Variants in ELAVL3 observed in about 807,000 individuals in gnomAD.
ELAVL3 encodes ELAV like RNA binding protein 3.
ELAVL3 carries 8 observed loss-of-function variants against 34.2 expected under a neutral mutation model. The observed-to-expected ratio is 0.23, with a 90% confidence interval of 0.14 to 0.42. The LOEUF is 0.42. ELAVL3 is among the 10% of genes least tolerant of loss of function. ELAVL3 has a pLI of 1.00. For missense variants in ELAVL3, 273 were observed against 518.8 expected, an observed-to-expected ratio of 0.53 and a Z score of 4.60; for synonymous variants, 209 against 222.1, an observed-to-expected ratio of 0.94 and a Z score of 0.53.
At position 11,480,461 on chromosome 19, in the gene ELAVL3, G is replaced by A; in HGVS notation, c.9+139C>T. ...GCGGCCCTGCCCACTCTCAGGCCCC[G>A]AGGCTTGGTCCTACCCCCCCAACCC... is the stretch of plus-strand genomic sequence containing the variant. On this transcript the variant is annotated intron_variant, in intron 1 of 6. Coordinates refer to ENST00000359227, the MANE Select transcript of ELAVL3 (RefSeq NM_001420.4). The surrounding 1 kb of genome is among the most constrained non-coding windows in gnomAD (Gnocchi z 6.8). 1 of 1,101,672 alleles carries A rather than the reference G, an allele frequency of 9.1e-7. No individual in the cohort carries two copies. Among genetic ancestry groups the A allele is most frequent in the Non-Finnish European group, 1.2e-6 (1 of 828,862 alleles). 68.2% of individuals were successfully genotyped at this position (1,101,672 alleles called of 1,614,324 possible).
Position 11,454,901 on chromosome 19 carries a change from C to T in ELAVL3, c.753-24G>A. 1 of 1,569,644 alleles carries T rather than the reference C, an allele frequency of 6.4e-7. No homozygotes were observed. The highest frequency in any genetic ancestry group is 8.6e-7 in the Non-Finnish European group (1 of 1,162,586). ...GACTACTTTGGGGGTCACGCGGGCT[C>T]TGCCCTGACCCCCCGCATGCTTCTG... On this transcript the variant is annotated intron_variant, in intron 6 of 6. Transcript: ENST00000359227. The surrounding 1 kb of genome is among the most constrained non-coding windows in gnomAD (Gnocchi z 9.2).
In ELAVL3 at chr19:11,480,879, CG is replaced by C. The variant is rs1346481933; in HGVS notation, c.-272del. 1 of 352,288 alleles carries C rather than the reference CG, an allele frequency of 2.8e-6. No individual in the cohort carries two copies. The highest frequency in any genetic ancestry group is 4.2e-5 in the East Asian group (1 of 23,820). 21.8% of individuals were successfully genotyped at this position (352,288 alleles called of 1,614,324 possible). On this transcript the variant is annotated 5_prime_UTR_variant, in exon 1 of 7. Coordinates refer to ENST00000359227, the MANE Select transcript of ELAVL3 (RefSeq NM_001420.4). This position sits in a 1 kb window ranked among gnomAD's most constrained non-coding sequence, Gnocchi z 6.8. ...GGCGCGGGGTTGAGGACGCCCCCTG[CG>C]CGGCCCCGCGGGGCCCGGGGAGGTT...
Position 11,466,036 on chromosome 19 carries a change from A to C in ELAVL3, c.333+136T>G. On this transcript the variant is annotated intron_variant, in intron 3 of 6. Coordinates refer to ENST00000359227, the MANE Select transcript of ELAVL3 (RefSeq NM_001420.4). This position sits in a 1 kb window ranked among gnomAD's most constrained non-coding sequence, Gnocchi z 5.0. ...CCCCAGCTAGGAAGTCTTGGAGGGG[A>C]GATTTGAGCCCCTCTGGGGATGAGT... 1.3e-6 allele frequency: 1 copy of C among 764,998 alleles called. No individual in the cohort carries two copies. Among genetic ancestry groups the C allele is most frequent in the Middle Eastern group, 3.7e-4 (1 of 2,674 alleles). The allele number at this position is 764,998 out of a possible 1,614,324, so 47.4% of individuals were successfully genotyped here.
Position 11,480,657 on chromosome 19 carries a change from TG to T in ELAVL3, c.-50del. ...TCCGTGTTGAGGGGGGCTCCGGGGG[TG>T]GTGCACTCCTAGGGGGGCGCCCGAT... On this transcript the variant is annotated 5_prime_UTR_variant, in exon 1 of 7. Transcript: ENST00000359227. This position sits in a 1 kb window ranked among gnomAD's most constrained non-coding sequence, Gnocchi z 6.8. The T allele has an allele frequency of 7.1e-7, 1 of 1,403,826 alleles. No homozygotes were observed. Among genetic ancestry groups the T allele is most frequent in the South Asian group, 1.7e-5 (1 of 58,408 alleles). The allele number at this position is 1,403,826 out of a possible 1,614,324, so 87.0% of individuals were successfully genotyped here.
At position 11,466,711 on chromosome 19, in the gene ELAVL3, G is replaced by T; in HGVS notation, c.126C>A (p.Ile42=). The change falls in exon 2 of 7, where the codon ATC becomes ATA. Residue 42 remains isoleucine, a synonymous_variant. Transcript: ENST00000359227. This position sits in a 1 kb window ranked among gnomAD's most constrained non-coding sequence, Gnocchi z 5.0. ...GATDDSKTNL[I]VNYLPQNMTQ... is the part of the protein sequence containing the mutation. ...TCATGTTCTGGGGCAGGTAGTTGAC[G>T]ATGAGGTTGGTCTTGCTGTCGTCAG... 4 of 1,614,198 alleles carry T rather than the reference G, an allele frequency of 2.5e-6. No homozygotes were observed. The highest frequency in any genetic ancestry group is 3.4e-6 in the Non-Finnish European group (4 of 1,180,024).
rs1451442741 is a variant in ELAVL3, at chr19:11,466,080, T to C, written c.333+92A>G. 1.2e-5 allele frequency: 13 copies of C among 1,111,676 alleles called. No individual in the cohort carries two copies. Among genetic ancestry groups the C allele is most frequent in the Non-Finnish European group, 1.7e-5 (13 of 751,166 alleles). The allele number at this position is 1,111,676 out of a possible 1,614,324, so 68.9% of individuals were successfully genotyped here. A position where few individuals can be genotyped will look rare whatever the true frequency, so the allele number is the denominator to read the frequency against. ...GATGAGTCCTGAAAGGCAGTGGACA[T>C]GGATGCATGGGGGCGGGTAGGTGGC... On this transcript the variant is annotated intron_variant, in intron 3 of 6. Coordinates refer to ENST00000359227, the MANE Select transcript of ELAVL3 (RefSeq NM_001420.4). This position sits in a 1 kb window ranked among gnomAD's most constrained non-coding sequence, Gnocchi z 5.0.
In ELAVL3 at chr19:11,454,339, C is replaced by A. The variant is rs1347115613; in HGVS notation, c.*187G>T. 2 of 613,314 alleles carry A rather than the reference C, an allele frequency of 3.3e-6. No homozygotes were observed. The highest frequency in any genetic ancestry group is 4.5e-4 in the Middle Eastern group (1 of 2,226). 38.0% of individuals were successfully genotyped at this position (613,314 alleles called of 1,614,324 possible). On this transcript the variant is annotated 3_prime_UTR_variant, in exon 7 of 7. Coordinates refer to ENST00000359227, the MANE Select transcript of ELAVL3 (RefSeq NM_001420.4). The surrounding 1 kb of genome is among the most constrained non-coding windows in gnomAD (Gnocchi z 9.2). ...GGCGGGGGATCCCCGGGCACCCCCC[C>A]AATTCCCTGCAGACCCTCCCACCCC...
In ELAVL3 at chr19:11,454,420, G is replaced by A; in HGVS notation, c.*106C>T. 8.7e-7 allele frequency: 1 copy of A among 1,154,736 alleles called. No homozygotes were observed. The highest frequency in any genetic ancestry group is 1.2e-6 in the Non-Finnish European group (1 of 839,520). The allele number at this position is 1,154,736 out of a possible 1,614,324, so 71.5% of individuals were successfully genotyped here. On this transcript the variant is annotated 3_prime_UTR_variant, in exon 7 of 7. Transcript: ENST00000359227. The surrounding 1 kb of genome is among the most constrained non-coding windows in gnomAD (Gnocchi z 9.2). ...CGTGGGGCCCTCGCGTCGTCCGTGG[G>A]GCTGCCTGTGCTGTCTCTCTTGGGC...
intron 1 of ELAVL3, among the ~76,000 whole-genome samples, chr19:11,467,363 GGT>G (rs941387528): frequency 3.3e-5 from 5 of 151,850 alleles, no homozygotes; most frequent in African/African-American, 1.2e-4. Context: ...CGGAGGTTGT[GGT>G]GAGCCGAGAT....
intron 3 of ELAVL3, among the ~76,000 whole-genome samples, chr19:11,459,284 A>G (rs938170730): frequency 1.3e-5 from 2 of 151,586 alleles, no homozygotes; most frequent in Admixed American, 1.3e-4. Context: ...CACCACGCCT[A>G]GCTAATTTTT....
intron 1 of ELAVL3, among the ~76,000 whole-genome samples, chr19:11,468,465 G>A (rs1003997336): frequency 7.4e-5 from 11 of 149,652 alleles, no homozygotes; most frequent in African/African-American, 2.5e-4. Context: ...CCCAGGCTGG[G>A]GTGCAATGGC....
rs1463541631 is a variant in ELAVL3 at position 11,456,340 on chromosome 19, G to A, written c.752+770C>T. Among the ~76,000 whole-genome samples, 9 of 151,726 alleles carry A rather than the reference G, an allele frequency of 5.9e-5. No homozygotes were observed. The South Asian group carries it at 6.2e-4, about 11-fold the overall frequency. ...AGGCTGGTCTTGGACTCCTGACCTC[G>A]TGATCCGCCTGCCTCGGCTTCCCAA... On this transcript the variant is annotated intron_variant, in intron 6 of 6. Transcript: ENST00000359227.
At chr19:11,462,456 G>C (rs1000789928) in intron 3 of ELAVL3, among the ~76,000 whole-genome samples, 4 of 151,212 alleles carry the variant, frequency 2.6e-5, no homozygotes, top group African/African-American at 9.7e-5. Context: ...GGCCAACATG[G>C]TGAAACCCCG....
chr19:11,457,222 TCCCCAC>T (rs1970787202), intron 5 of ELAVL3, 74 bp from the exon 6 acceptor site: 2 of 1,349,664 alleles, frequency 1.5e-6, no homozygotes, highest in Admixed American at 2.9e-5. Flanking sequence ...CGGCCTGCCC[TCCCCAC>T]CCCCACCCAA....
chr19:11,456,356 G>A (rs528374004), intron 6 of ELAVL3, among the ~76,000 whole-genome samples: 2 of 151,904 alleles, frequency 1.3e-5, no homozygotes, highest in Non-Finnish European at 2.9e-5. Flanking sequence ...CGCCTGCCTC[G>A]GCTTCCCAAA....
At chr19:11,470,431 C>T (rs1305840714) in intron 1 of ELAVL3, among the ~76,000 whole-genome samples, 3 of 150,258 alleles carry the variant, frequency 2.0e-5, no homozygotes, top group Admixed American at 6.6e-5. Context: ...TTTGGGAGGC[C>T]GAGGCAGGCA....
chr19:11,455,333 C>T (rs1970746241), intron 6 of ELAVL3, among the ~76,000 whole-genome samples: 1 of 147,568 alleles, frequency 6.8e-6, no homozygotes, highest in Non-Finnish European at 1.5e-5. Context: ...CGGGGTCTTG[C>T]TCTGTTGCCC....
chr19:11,464,620 C>A (rs1332586353), intron 3 of ELAVL3, among the ~76,000 whole-genome samples: 3 of 146,340 alleles, frequency 2.1e-5, no homozygotes, highest in Non-Finnish European at 4.5e-5. Flanking sequence ...ACACACACCA[C>A]ACACACACCA....
intron 1 of ELAVL3, among the ~76,000 whole-genome samples, chr19:11,475,875 A>G (rs1377343656): frequency 2.0e-5 from 3 of 152,138 alleles, no homozygotes; most frequent in South Asian, 4.2e-4. Flanking sequence ...TTGGCCTCCC[A>G]AAGTGCTGGT....
Sources: gnomAD v4.1 joint callset for allele counts (sites outside exome capture counted in the v4.1 genomes callset) on GRCh38, gnomAD v4.1.1 for gene constraint, Gnocchi (gnomAD v3.1) non-coding constraint, MANE v1.5 for transcripts, NCBI Gene and HGNC (gene_info 2026-07-23, HGNC 2026-07-21) for gene names.